UNC79: variants seen among roughly 807,000 people sequenced by gnomAD.
The protein encoded by UNC79 is unc-79 subunit of NALCN channel complex.
Under a neutral mutation model 283.1 loss-of-function variants are expected in UNC79, and 37 were observed. That is an observed-to-expected ratio of 0.13 (90% CI 0.10 to 0.17). The LOEUF (loss-of-function observed/expected upper bound fraction) is 0.17. Ranked by LOEUF, UNC79 falls within the 10% of genes least tolerant of loss-of-function variation. The pLI is 1.00. For synonymous variants in UNC79, 1,107 were observed against 1,200.2 expected (o/e 0.92, Z 1.61); for missense variants, 2,272 against 3,211.1 (o/e 0.71, Z 7.07).
intron 33 of UNC79, 135 bp downstream of exon 36, chr14:93,641,382 A>C: frequency 5.1e-6 from 4 of 791,514 alleles, no homozygotes; most frequent in Non-Finnish European, 8.1e-6. Flanking sequence ...TGCCTGGCAC[A>C]CAGATGCTTG....
exon 2 of UNC79, chr14:93,467,761 C>A: frequency 6.7e-7 from 1 of 1,490,390 alleles, no homozygotes; most frequent in Non-Finnish European, 8.9e-7. Flanking sequence ...ATTGCAAACA[C>A]CTTGAAATAC....
At chr14:93,580,431 T>G in intron 19 of UNC79, 55 bp downstream of exon 19, 238 of 1,428,042 alleles carry the variant, frequency 1.7e-4, no homozygotes, top group Non-Finnish European at 2.1e-4. Flanking sequence ...AAGACTGCAG[T>G]AGCTGATGTA....
At chr14:93,470,919 C>T (rs973351820) in intron 2 of UNC79, among the ~76,000 whole-genome samples, 1 of 152,138 alleles carries the variant, frequency 6.6e-6, no homozygotes, top group Non-Finnish European at 1.5e-5. Context: ...TTGCTTTTTA[C>T]CTGGCAGGAC....
chr14:93,404,346 C>T (rs1349109758), intron 1 of UNC79, among the ~76,000 whole-genome samples: 2 of 148,792 alleles, frequency 1.3e-5, no homozygotes, highest in Non-Finnish European at 3.0e-5. Context: ...AAAAATTAGC[C>T]AGGCATGATG....
rs2057714619 is a variant in UNC79, at chr14:93,474,926, T to G, written c.448+533T>G. On this transcript the variant is annotated intron_variant, in intron 3 of 48. Coordinates refer to ENST00000555664, the Ensembl canonical transcript of UNC79. The surrounding 1 kb of genome is among the most constrained non-coding windows in gnomAD (Gnocchi z 4.1). ...AACAATCAATAGTTATTACAAAATG[T>G]TGTATCAAAATGTAGATATAGTATA... Among the ~76,000 whole-genome samples the G allele has an allele frequency of 6.6e-6, 1 of 152,208 alleles. No individual in the cohort carries two copies. The highest frequency in any genetic ancestry group is 1.5e-5 in the Non-Finnish European group (1 of 68,020).
intron 1 of UNC79, among the ~76,000 whole-genome samples, chr14:93,339,869 AT>A (rs1291775300): frequency 2.6e-5 from 4 of 152,218 alleles, no homozygotes; most frequent in African/African-American, 9.6e-5. Flanking sequence ...GCTAGTATGT[AT>A]GGTTGCAATA....
intron 3 of UNC79, 140 bp from the exon 4 acceptor site, chr14:93,477,418 T>A: frequency 1.6e-6 from 1 of 616,806 alleles, no homozygotes; most frequent in Non-Finnish European, 2.6e-6. Flanking sequence ...TATCAAACAT[T>A]ATGTTTCATA....
chr14:93,560,925 G>A (rs1481182000), intron 14 of UNC79, among the ~76,000 whole-genome samples: 1 of 152,142 alleles, frequency 6.6e-6, no homozygotes, highest in East Asian at 1.9e-4. Context: ...CATGGTGTAT[G>A]AGAAAACGTT....
At chr14:93,618,294 A>G (rs758486793) in exon 29 of UNC79, 4 of 1,614,120 alleles carry the variant, frequency 2.5e-6, no homozygotes, top group Non-Finnish European at 3.4e-6. Context: ...GCCCCATGCC[A>G]CGGCAGGACC....
chr14:93,351,006 T>A (rs2053971047), intron 1 of UNC79, among the ~76,000 whole-genome samples: 1 of 152,244 alleles, frequency 6.6e-6, no homozygotes, highest in African/African-American at 2.4e-5. Flanking sequence ...TCATGTATTC[T>A]CCTGCTATAC....
intron 1 of UNC79, among the ~76,000 whole-genome samples, chr14:93,361,151 G>T (rs2054212201): frequency 7.0e-6 from 1 of 142,614 alleles, no homozygotes; most frequent in Non-Finnish European, 1.5e-5. Context: ...GGTGGAGGTT[G>T]CAGTGAGCTG....
At chr14:93,417,986 A>T (rs1304105790) in intron 1 of UNC79, among the ~76,000 whole-genome samples, 3 of 151,622 alleles carry the variant, frequency 2.0e-5, no homozygotes, top group Non-Finnish European at 4.4e-5. Flanking sequence ...TGTAGCTTGG[A>T]GTAGTTTGAT....
intron 1 of UNC79, among the ~76,000 whole-genome samples, chr14:93,406,273 T>A (rs2055223591): frequency 6.6e-6 from 1 of 152,122 alleles, no homozygotes. Flanking sequence ...TTCTGGGATG[T>A]GAGGATTCTT....
chr14:93,623,940 A>G (rs145395976), intron 30 of UNC79, among the ~76,000 whole-genome samples: 1 of 152,278 alleles, frequency 6.6e-6, no homozygotes, highest in East Asian at 1.9e-4. Context: ...GAAGAAATGG[A>G]ATTGGCTAGG....
intron 47 of UNC79, among the ~76,000 whole-genome samples, chr14:93,699,412 G>A (rs1202230538): frequency 1.3e-5 from 2 of 152,096 alleles, no homozygotes; most frequent in Non-Finnish European, 2.9e-5. Flanking sequence ...TCAGCATTTA[G>A]TGCTCTAAAT....
At chr14:93,540,055 A>G (rs1331747322) in intron 12 of UNC79, among the ~76,000 whole-genome samples, 1 of 152,240 alleles carries the variant, frequency 6.6e-6, no homozygotes, top group African/African-American at 2.4e-5. Context: ...AAGGGTATGA[A>G]TATTTACATG....
intron 14 of UNC79, among the ~76,000 whole-genome samples, chr14:93,546,388 C>T (rs1407843082): frequency 6.6e-6 from 1 of 152,224 alleles, no homozygotes; most frequent in Non-Finnish European, 1.5e-5. Context: ...TATTTTCTCA[C>T]TGTCATAATT....
intron 39 of UNC79, among the ~76,000 whole-genome samples, chr14:93,660,340 CT>C (rs113916535): frequency 1.5e-4 from 23 of 151,804 alleles, no homozygotes; most frequent in African/African-American, 4.8e-4. Context: ...AGATTTGTGA[CT>C]TGAACATAAG....
At chr14:93,352,578 G>A (rs1334170512) in intron 1 of UNC79, among the ~76,000 whole-genome samples, 1 of 152,122 alleles carries the variant, frequency 6.6e-6, no homozygotes, top group African/African-American at 2.4e-5. Context: ...CACATTCAAG[G>A]TACAGTTTGT....
Sources: gnomAD v4.1 joint callset for allele counts (sites outside exome capture counted in the v4.1 genomes callset) on GRCh38, gnomAD v4.1.1 for gene constraint, Gnocchi (gnomAD v3.1) non-coding constraint, MANE v1.5 for transcripts, NCBI Gene and HGNC (gene_info 2026-07-23, HGNC 2026-07-21) for gene names.